Variants in RSF1 observed in about 807,000 individuals in gnomAD.
RSF1 encodes the protein HBV pX-associated protein 8.
Under a neutral mutation model 145.2 loss-of-function variants are expected in RSF1, and 13 were observed. That is an observed-to-expected ratio of 0.09 (90% CI 0.06 to 0.14). The LOEUF (loss-of-function observed/expected upper bound fraction) is 0.14. Ranked by LOEUF, RSF1 falls within the 10% of genes least tolerant of loss-of-function variation. The pLI is 1.00. For synonymous variants in RSF1, 577 were observed against 592.6 expected, an observed-to-expected ratio of 0.97 and a Z score of 0.38; for missense variants, 1,517 against 1,718.2, an observed-to-expected ratio of 0.88 and a Z score of 2.07.
chr11:77,799,795 A>C (rs1948609570), intron 1 of RSF1, among the ~76,000 whole-genome samples: 1 of 152,236 alleles, frequency 6.6e-6, no homozygotes, highest in Non-Finnish European at 1.5e-5. Flanking sequence ...AGAAGACTCA[A>C]GTTTCCCAAG....
chr11:77,799,712 A>T lies in RSF1; in HGVS notation c.187+20816T>A, dbSNP rs117496790. 3.5e-3 allele frequency among the ~76,000 whole-genome samples: 530 copies of T among 152,310 alleles called. 2 individuals carry two copies. In the Middle Eastern group the frequency reaches 0.037, roughly 11 times the overall value. On this transcript the variant is annotated intron_variant, in intron 1 of 15. Transcript: ENST00000308488. ...GTCATGTAAATGGAATCACACTCAA[A>T]GAAAAGAAAAGCTGGTTGTTTGAAA... is the stretch of plus-strand genomic sequence containing the variant.
chr11:77,768,944 G>A (rs1040697252), intron 1 of RSF1, among the ~76,000 whole-genome samples: 1 of 152,184 alleles, frequency 6.6e-6, no homozygotes, highest in Non-Finnish European at 1.5e-5. Flanking sequence ...AAGCTGAAAT[G>A]TGGCTAATGA....
the RSF1 span, among the ~76,000 whole-genome samples, chr11:77,847,800 A>G: frequency 6.6e-6 from 1 of 152,230 alleles, no homozygotes; most frequent in Non-Finnish European, 1.5e-5. Context: ...TAGGAGATAC[A>G]TATATATAAA....
At chr11:77,791,091 C>A (rs1948512637) in intron 1 of RSF1, among the ~76,000 whole-genome samples, 1 of 152,206 alleles carries the variant, frequency 6.6e-6, no homozygotes, top group East Asian at 1.9e-4. Flanking sequence ...AGGTTCTCCA[C>A]CCACTCCATG....
Position 77,702,465 on chromosome 11 carries a change from C to G in RSF1, c.764G>C (p.Ser255Thr). 1 of 1,551,016 alleles carries G rather than the reference C, an allele frequency of 6.4e-7. No homozygotes were observed. The highest frequency in any genetic ancestry group is 8.6e-7 in the Non-Finnish European group (1 of 1,159,292). The change falls in exon 6 of 16, where the codon AGT becomes ACT. Residue 255 changes from serine to threonine, a missense_variant. Ser to Thr is a moderately conservative substitution (Grantham distance 58). Coordinates refer to ENST00000308488, the MANE Select transcript of RSF1 (RefSeq NM_016578.4). ...EEQKESEKMK[S>T]EEQPMDLENR... ...TTCTAAATCCATAGGCTGCTCCTCACTTTTCATCTTTTCACTTTCTTTCTG... is the reference window on the plus strand; with the variant it reads ...TTCTAAATCCATAGGCTGCTCCTCAGTTTTCATCTTTTCACTTTCTTTCTG...
intron 2 of RSF1, 48 bp from the exon 3 acceptor site, chr11:77,747,176 A>G (rs779260769): frequency 1.7e-6 from 2 of 1,156,998 alleles, no homozygotes; most frequent in Non-Finnish European, 2.6e-6. Context: ...ATTTTTATTT[A>G]TGTTTGCAGG....
intron 2 of RSF1, among the ~76,000 whole-genome samples, chr11:77,747,394 C>T (rs529813199): frequency 5.9e-5 from 9 of 152,324 alleles, no homozygotes; most frequent in Admixed American, 5.2e-4. Context: ...TTTATAGACA[C>T]ATTTTCCCGC....
the RSF1 span, among the ~76,000 whole-genome samples, chr11:77,843,912 A>G: frequency 6.6e-6 from 1 of 152,182 alleles, no homozygotes; most frequent in Admixed American, 6.5e-5. Flanking sequence ...GCAGGCAAAG[A>G]GAGCTTGTGC....
intron 5 of RSF1, among the ~76,000 whole-genome samples, chr11:77,708,292 ACCTGTAGTTC>A (rs1960601261): frequency 6.6e-6 from 1 of 152,118 alleles, no homozygotes. Flanking sequence ...GGTGGTGCAC[ACCTGTAGTTC>A]CCTGTAGTTC....
intron 5 of RSF1, among the ~76,000 whole-genome samples, chr11:77,721,412 A>C (rs1960937926): frequency 1.3e-5 from 2 of 152,236 alleles, no homozygotes; most frequent in Admixed American, 6.5e-5. Flanking sequence ...TGAGAGGACA[A>C]GGGTGAGAGA....
Position 77,796,517 on chromosome 11 carries a change from T to C in RSF1, c.187+24011A>G, listed in dbSNP as rs1350451514. Among the ~76,000 whole-genome samples, 6 of 152,206 alleles carry C rather than the reference T, an allele frequency of 3.9e-5. No individual in the cohort carries two copies. The East Asian group carries it at 1.2e-3, about 29-fold the overall frequency. On this transcript the variant is annotated intron_variant, in intron 1 of 15. Coordinates refer to ENST00000308488, the MANE Select transcript of RSF1 (RefSeq NM_016578.4). Reference sequence around the variant, plus strand: ...ATATCGATGGAAACATATCTCAAAATAATAGCTATTTATGACAAACCCACA... The same window carrying C: ...ATATCGATGGAAACATATCTCAAAACAATAGCTATTTATGACAAACCCACA...
At chr11:77,717,074 G>T (rs1960829146) in intron 5 of RSF1, among the ~76,000 whole-genome samples, 1 of 151,358 alleles carries the variant, frequency 6.6e-6, no homozygotes, top group Admixed American at 6.6e-5. Flanking sequence ...GCTACTTGGG[G>T]GTCTGAGGCG....
At chr11:77,709,227 A>G (rs1960622064) in intron 5 of RSF1, among the ~76,000 whole-genome samples, 1 of 152,182 alleles carries the variant, frequency 6.6e-6, no homozygotes, top group Admixed American at 6.6e-5. Context: ...AACTCAATCT[A>G]AAATCATGCC....
chr11:77,843,428 C>T, the RSF1 span, among the ~76,000 whole-genome samples: 4 of 152,110 alleles, frequency 2.6e-5, no homozygotes, highest in Non-Finnish European at 4.4e-5. Flanking sequence ...GCACTAAAGT[C>T]CTGCTCCTCC....
At position 77,701,250 on chromosome 11, in the gene RSF1, G is replaced by A; in HGVS notation, c.1979C>T (p.Ser660Phe). The A allele has an allele frequency of 6.2e-7, 1 of 1,614,044 alleles. No individual in the cohort carries two copies. Among genetic ancestry groups the A allele is most frequent in the Non-Finnish European group, 8.5e-7 (1 of 1,179,986 alleles). ...CQSTSTVGGQ[S>F]VKKVDLETLK... The stretch of plus-strand genomic sequence containing the variant: ...GGTTTCTAGGTCTACTTTTTTCACA[G>A]ACTGGCCACCAACAGTACTTGTACT... Residue 660 changes from serine to phenylalanine, a missense_variant, in exon 6 of 16, where the codon TCT (serine) becomes TTT (phenylalanine). Transcript: ENST00000308488.
chr11:77,864,498 A>G, the RSF1 span, among the ~76,000 whole-genome samples: 1 of 152,162 alleles, frequency 6.6e-6, no homozygotes, highest in Non-Finnish European at 1.5e-5. Flanking sequence ...AACCAGATTA[A>G]TTAGTTGCCT....
At chr11:77,829,351 G>T in the RSF1 span, among the ~76,000 whole-genome samples, 1 of 152,122 alleles carries the variant, frequency 6.6e-6, no homozygotes, top group South Asian at 2.1e-4. Flanking sequence ...ATAAATTTTT[G>T]TTGTTTAAGT....
Position 77,683,719 on chromosome 11 carries a change from A to G in RSF1, c.3056T>C (p.Ile1019Thr), listed in dbSNP as rs180883770. ...ERRSTRTRKCISYRFDEFDEA... is the reference protein window; with the variant it reads ...ERRSTRTRKCTSYRFDEFDEA... The stretch of plus-strand genomic sequence containing the variant: ...TCCATACACTTCATACCTGTAGCTT[A>G]TACATTTCCTTGTTCTTGTTGACCT... The change falls in exon 11 of 16, where the codon ATA becomes ACA. Residue 1019 changes from isoleucine to threonine, a missense_variant. Ile to Thr is a moderately conservative substitution (Grantham distance 89). Coordinates refer to ENST00000308488, the MANE Select transcript of RSF1 (RefSeq NM_016578.4). The G allele has an allele frequency of 1.2e-5, 19 of 1,609,076 alleles. No homozygotes were observed. In the Admixed American group the frequency reaches 3.2e-4, roughly 27 times the overall value.
At chr11:77,721,328 G>A (rs1398105070) in intron 5 of RSF1, among the ~76,000 whole-genome samples, 2 of 152,104 alleles carry the variant, frequency 1.3e-5, no homozygotes, top group South Asian at 2.1e-4. Flanking sequence ...GTTTACATCC[G>A]AAAGGAATAA....
Sources: gnomAD v4.1 joint callset for allele counts (sites outside exome capture counted in the v4.1 genomes callset) on GRCh38, gnomAD v4.1.1 for gene constraint, MANE v1.5 for transcripts, NCBI Gene and HGNC (gene_info 2026-07-23, HGNC 2026-07-21) for gene names.